The following PIK3R1 variants were observed in gnomAD, a reference collection of about 807,000 sequenced individuals.
The protein encoded by PIK3R1 is phosphatidylinositol 3-kinase regulatory subunit alpha.
Under a neutral mutation model 98.0 loss-of-function variants are expected in PIK3R1, and 29 were observed. The ratio of observed to expected loss-of-function variants is 0.30; its 90% CI spans 0.22 to 0.40. The LOEUF (loss-of-function observed/expected upper bound fraction) is 0.40, where lower values mean the gene tolerates loss of function less well. Among genes scored for constraint, PIK3R1 ranks in the 10% least tolerant of loss-of-function variants. The pLI, the probability that PIK3R1 is intolerant of heterozygous loss-of-function variation, is 1.00. For synonymous variants in PIK3R1, 282 were observed against 311.8 expected, an observed-to-expected ratio of 0.90 and a Z score of 1.01; for missense variants, 596 against 872.7, an observed-to-expected ratio of 0.68 and a Z score of 3.99.
intron 1 of PIK3R1, among the ~76,000 whole-genome samples, chr5:68,223,709 T>C (rs966067711): frequency 6.6e-6 from 1 of 152,228 alleles, no homozygotes; most frequent in Non-Finnish European, 1.5e-5. Context: ...CTCTCTGGTG[T>C]CTAGCCTCTA....
chr5:68,240,639 A>G lies in PIK3R1; in HGVS notation c.334+13630A>G, dbSNP rs541952216. On this transcript the variant is annotated intron_variant, in intron 2 of 15. Coordinates refer to ENST00000521381, the MANE Select transcript of PIK3R1 (RefSeq NM_181523.3). The stretch of plus-strand genomic sequence containing the variant: ...CTCTGAGACCTCTTTGCCTACCCCA[A>G]ATAAGTGAATTGTCACTGTAACTGT... Among the ~76,000 whole-genome samples the G allele has an allele frequency of 3.3e-5, 5 of 152,280 alleles. No individual in the cohort carries two copies. In the South Asian group the frequency reaches 6.2e-4, roughly 19 times the overall value.
At chr5:68,291,968 T>C (rs1747417608) in intron 7 of PIK3R1, 1 of 243,822 alleles carries the variant, frequency 4.1e-6, no homozygotes, top group Admixed American at 5.2e-5. Flanking sequence ...AAGTACAGAA[T>C]GTCATGACTC....
At chr5:68,235,518 A>G (rs1164300984) in intron 2 of PIK3R1, among the ~76,000 whole-genome samples, 1 of 152,186 alleles carries the variant, frequency 6.6e-6, no homozygotes, top group Admixed American at 6.5e-5. Flanking sequence ...TTGTTTCCCA[A>G]CTATAGAAAC....
chr5:68,235,002 C>T (rs766103900), intron 2 of PIK3R1, among the ~76,000 whole-genome samples: 1 of 152,124 alleles, frequency 6.6e-6, no homozygotes, highest in Non-Finnish European at 1.5e-5. Context: ...CAGAACTACT[C>T]AAGGGTGTAA....
chr5:68,259,907 T>A (rs1745672978), intron 2 of PIK3R1, among the ~76,000 whole-genome samples: 1 of 152,180 alleles, frequency 6.6e-6, no homozygotes, highest in Non-Finnish European at 1.5e-5. Context: ...ATCAGTTAAA[T>A]CCTGGTGCTG....
At chr5:68,235,492 A>AT (rs1369432982) in intron 2 of PIK3R1, among the ~76,000 whole-genome samples, 230 of 151,396 alleles carry the variant, frequency 1.5e-3, no homozygotes, top group Middle Eastern at 3.4e-3. Context: ...GTTCATTTGA[A>AT]TTTTTTTTTG....
chr5:68,292,369 T>C lies in PIK3R1; in HGVS notation c.1019+8T>C. On this transcript the variant is annotated splice_region_variant and intron_variant, in intron 8 of 15. Coordinates refer to ENST00000521381, the MANE Select transcript of PIK3R1 (RefSeq NM_181523.3). ...CTGGGGAGATATCTCGAGGTAAGGC[T>C]ACAGAAACTTCATTTTCAGAGAGTT... 6.3e-7 allele frequency: 1 copy of C among 1,583,956 alleles called. No homozygotes were observed. Among genetic ancestry groups the C allele is most frequent in the South Asian group, 1.1e-5 (1 of 90,384 alleles).
intron 7 of PIK3R1, chr5:68,288,633 T>C: frequency 6.3e-7 from 1 of 1,593,006 alleles, no homozygotes; most frequent in Non-Finnish European, 8.5e-7. Flanking sequence ...GGGAACAGGC[T>C]GGGGGGAGGT....
intron 2 of PIK3R1, among the ~76,000 whole-genome samples, chr5:68,234,251 C>T (rs1430772268): frequency 6.6e-6 from 1 of 152,140 alleles, no homozygotes; most frequent in African/African-American, 2.4e-5. Context: ...TTTAATCCTT[C>T]TCTTCCCAAT....
chr5:68,284,367 A>T (rs1417521281), intron 7 of PIK3R1, among the ~76,000 whole-genome samples: 1 of 152,130 alleles, frequency 6.6e-6, no homozygotes, highest in Non-Finnish European at 1.5e-5. Context: ...GCTAAAAGGG[A>T]CACTTGGGAA....
intron 2 of PIK3R1, among the ~76,000 whole-genome samples, chr5:68,243,968 A>G (rs150701583): frequency 6.6e-6 from 1 of 152,306 alleles, no homozygotes; most frequent in African/African-American, 2.4e-5. Context: ...TACAATGAGA[A>G]GATTAAACAG....
At chr5:68,228,817 A>G (rs1025660937) in intron 2 of PIK3R1, among the ~76,000 whole-genome samples, 1 of 152,222 alleles carries the variant, frequency 6.6e-6, no homozygotes, top group Non-Finnish European at 1.5e-5. Flanking sequence ...CAAAATTTGC[A>G]TTTGATAATT....
chr5:68,288,731 T>C lies in PIK3R1; in HGVS notation c.917-3528T>C, dbSNP rs201109209. 35 of 1,613,988 alleles carry C rather than the reference T, an allele frequency of 2.2e-5. No individual in the cohort carries two copies. The Admixed American group carries it at 3.3e-4, about 15-fold the overall frequency. On this transcript the variant is annotated intron_variant, in intron 7 of 15. Transcript: ENST00000521381. ...ATACAGGCATTTCAAAGGGAAACCG[T>C]TGAAATGCATAACCTGCAAAGTAAG...
chr5:68,299,713 ATGT>A lies in PIK3R1; in HGVS notation c.*2117_*2119del, dbSNP rs772523534. On this transcript the variant is annotated 3_prime_UTR_variant, in exon 16 of 16. Coordinates refer to ENST00000521381, the MANE Select transcript of PIK3R1 (RefSeq NM_181523.3). The stretch of plus-strand genomic sequence containing the variant: ...GGGTTTTCTGTTACTTTGTTTTTTA[ATGT>A]TGTTCCTTTTGAAAGAATCAGTCTT... 2.9e-4 allele frequency: 68 copies of A among 233,022 alleles called. No individual in the cohort carries two copies. Among genetic ancestry groups the A allele is most frequent in the East Asian group, 4.8e-4 (8 of 16,574 alleles). The allele number at this position is 233,022 out of a possible 1,614,324, so 14.4% of individuals were successfully genotyped here.
At chr5:68,259,968 C>G (rs942252222) in intron 2 of PIK3R1, among the ~76,000 whole-genome samples, 5 of 152,116 alleles carry the variant, frequency 3.3e-5, no homozygotes, top group African/African-American at 9.7e-5. Context: ...CCTGTTTTTC[C>G]TCTCTGTACA....
At chr5:68,223,120 CTCAATCATCATCA>C (rs536784234) in intron 1 of PIK3R1, among the ~76,000 whole-genome samples, 1,638 of 117,288 alleles carry the variant, frequency 0.014, 44 homozygotes, top group African/African-American at 0.059. Flanking sequence ...TGTGTACAAA[CTCAATCATCATCA>C]TCATCATCAT....
intron 7 of PIK3R1, chr5:68,288,748 C>A: frequency 6.2e-7 from 1 of 1,613,656 alleles, no homozygotes; most frequent in African/African-American, 1.3e-5. Context: ...GCATAACCTG[C>A]AAAGTAAGTT....
intron 2 of PIK3R1, among the ~76,000 whole-genome samples, chr5:68,238,589 T>C (rs775161886): frequency 8.5e-5 from 13 of 152,084 alleles, no homozygotes; most frequent in African/African-American, 2.9e-4. Flanking sequence ...AAAAATGTAA[T>C]AGCATATTAA....
At chr5:68,290,033 C>G (rs1403894385) in intron 7 of PIK3R1, among the ~76,000 whole-genome samples, 4 of 152,128 alleles carry the variant, frequency 2.6e-5, no homozygotes. Flanking sequence ...TCAGAATTTT[C>G]ATTGTTAGTC....
Sources: allele counts gnomAD v4.1 joint callset (sites outside exome capture counted in the v4.1 genomes callset), GRCh38; gene constraint gnomAD v4.1.1; transcripts MANE v1.5; gene names NCBI Gene and HGNC (gene_info 2026-07-23, HGNC 2026-07-21).